Variants in EML1 observed in about 807,000 individuals in gnomAD.
EML1 encodes the protein echinoderm microtubule-associated protein-like 1.
EML1 carries 27 observed loss-of-function variants against 110.4 expected under a neutral mutation model. The observed-to-expected ratio is 0.24, with a 90% confidence interval of 0.18 to 0.34. EML1 has a LOEUF of 0.34. Ranked by LOEUF, EML1 falls within the 10% of genes least tolerant of loss-of-function variation. The pLI, the probability that EML1 is intolerant of heterozygous loss-of-function variation, is 1.00. For missense variants in EML1, 741 were observed against 1,030.9 expected, an observed-to-expected ratio of 0.72 and a Z score of 3.85; for synonymous variants, 344 against 385.8, an observed-to-expected ratio of 0.89 and a Z score of 1.27.
rs57818494 is a variant in EML1, at chr14:99,796,186, CAGAGAGAGAGAGAG to C, written c.67+2675_67+2688del. Among the ~76,000 whole-genome samples, 810 of 119,290 alleles carry C rather than the reference CAGAGAGAGAGAGAG, an allele frequency of 6.8e-3. 6 individuals carry two copies. The highest frequency in any genetic ancestry group is 0.022 in the African/African-American group (704 of 32,310). The allele number at this position is 119,290 out of a possible 152,430, so 78.3% of individuals were successfully genotyped here. On this transcript the variant is annotated intron_variant, in intron 1 of 21. Coordinates refer to ENST00000262233, the MANE Select transcript of EML1 (RefSeq NM_004434.3). ...TGGGTGACAAAGTGAGACCCTGTCT[CAGAGAGAGAGAGAG>C]AGAGAGAGAGAGAGAGAGAGAGAGA...
rs139661025 is a variant in EML1, at chr14:99,934,617, C to T, written c.1910-1412C>T. ...GAGCCTCCCGACTGCTATGAAAATG[C>T]GCCGCTTGCTGTGTTTTGTGGATGG... On this transcript the variant is annotated intron_variant, in intron 17 of 21. Transcript: ENST00000262233. Among the ~76,000 whole-genome samples, 3 of 152,366 alleles carry T rather than the reference C, an allele frequency of 2.0e-5. No individual in the cohort carries two copies. The East Asian group carries it at 5.8e-4, about 29-fold the overall frequency.
At chr14:99,797,994 TC>T (rs2057806430) in intron 1 of EML1, among the ~76,000 whole-genome samples, 1 of 152,158 alleles carries the variant, frequency 6.6e-6, no homozygotes, top group Non-Finnish European at 1.5e-5. Flanking sequence ...GAAAGGCTGT[TC>T]AACCTGTGCA....
intron 1 of EML1, among the ~76,000 whole-genome samples, chr14:99,743,011 G>T (rs1201141438): frequency 6.6e-6 from 1 of 152,140 alleles, no homozygotes; most frequent in Non-Finnish European, 1.5e-5. Flanking sequence ...CGAGAGGCTG[G>T]GCACCGGGTG....
rs551351442 is a variant in EML1, at chr14:99,936,768, T to C, written c.2095+434T>C. ...GGGTGGACGGCAGCCCTGGGACCCC[T>C]CCTCCTCCCCTCCCAACCTGACCCT... On this transcript the variant is annotated intron_variant, in intron 19 of 21. Coordinates refer to ENST00000262233, the MANE Select transcript of EML1 (RefSeq NM_004434.3). This position sits in a 1 kb window ranked among gnomAD's most constrained non-coding sequence, Gnocchi z 5.5. Among the ~76,000 whole-genome samples the C allele has an allele frequency of 1.3e-5, 2 of 152,140 alleles. No homozygotes were observed. Among genetic ancestry groups the C allele is most frequent in the African/African-American group, 4.8e-5 (2 of 41,528 alleles).
intron 1 of EML1, among the ~76,000 whole-genome samples, chr14:99,777,011 T>A (rs1211820205): frequency 6.6e-6 from 1 of 152,178 alleles, no homozygotes; most frequent in Non-Finnish European, 1.5e-5. Context: ...AGCTTTAACC[T>A]CCTTGAAGTT....
At chr14:99,885,037 G>A (rs948316229) in intron 4 of EML1, among the ~76,000 whole-genome samples, 4 of 152,228 alleles carry the variant, frequency 2.6e-5, no homozygotes, top group Non-Finnish European at 2.9e-5. Flanking sequence ...TCACCATGCT[G>A]CACACACCGC....
At chr14:99,917,121 C>T (rs1364201451) in intron 15 of EML1, among the ~76,000 whole-genome samples, 1 of 152,176 alleles carries the variant, frequency 6.6e-6, no homozygotes, top group African/African-American at 2.4e-5. Flanking sequence ...AGCAATCAAG[C>T]ACACTATTCA....
chr14:99,914,469 T>C (rs926789174), intron 14 of EML1, 97 bp from the exon 15 acceptor site: 2 of 1,533,598 alleles, frequency 1.3e-6, no homozygotes, highest in African/African-American at 1.4e-5. Flanking sequence ...AGAGCAGTTA[T>C]GAAGTCAGCA....
intron 12 of EML1, 129 bp downstream of exon 12, chr14:99,910,470 C>G: frequency 1.5e-6 from 1 of 683,672 alleles, no homozygotes; most frequent in Non-Finnish European, 2.4e-6. Flanking sequence ...TACAGAGACA[C>G]ACACATACAT....
chr14:99,805,357 C>G (rs994723317), intron 1 of EML1, among the ~76,000 whole-genome samples: 1 of 152,240 alleles, frequency 6.6e-6, no homozygotes, highest in Non-Finnish European at 1.5e-5. Flanking sequence ...GCAGCCCGCA[C>G]CAACTGCTGT....
chr14:99,846,303 G>C (rs1181551672), intron 1 of EML1, among the ~76,000 whole-genome samples: 1 of 74,078 alleles, frequency 1.3e-5, no homozygotes, highest in Admixed American at 1.3e-4. Flanking sequence ...TTTTTTTTGA[G>C]ACAGAGTCTT....
chr14:99,910,749 A>G (rs763636149), intron 12 of EML1, among the ~76,000 whole-genome samples: 2 of 152,220 alleles, frequency 1.3e-5, no homozygotes, highest in Non-Finnish European at 2.9e-5. Context: ...CACTGTGAAC[A>G]TACAACTGAG....
intron 1 of EML1, among the ~76,000 whole-genome samples, chr14:99,800,742 G>A (rs1344614444): frequency 3.3e-5 from 5 of 152,186 alleles, no homozygotes; most frequent in East Asian, 1.9e-4. Flanking sequence ...TACTGTTGGC[G>A]GGGAAAACCA....
At chr14:99,743,844 C>G (rs2057073412) in intron 1 of EML1, among the ~76,000 whole-genome samples, 1 of 152,186 alleles carries the variant, frequency 6.6e-6, no homozygotes, top group Admixed American at 6.5e-5. Flanking sequence ...TCTAAGGGAG[C>G]ATTCTTGAGA....
chr14:99,903,434 C>T (rs1389704945), intron 9 of EML1, among the ~76,000 whole-genome samples: 2 of 152,064 alleles, frequency 1.3e-5, no homozygotes, highest in African/African-American at 4.8e-5. Flanking sequence ...TTAAATAGGA[C>T]CAAAACAAGA....
intron 1 of EML1, among the ~76,000 whole-genome samples, chr14:99,750,256 G>C (rs951773893): frequency 3.9e-5 from 6 of 152,230 alleles, no homozygotes; most frequent in African/African-American, 1.4e-4. Context: ...AGGCTCCCCT[G>C]GTGGCCCCCG....
chr14:99,759,805 G>A lies in EML1; in HGVS notation c.28+21945G>A, dbSNP rs921320549. Among the ~76,000 whole-genome samples, 8 of 152,274 alleles carry A rather than the reference G, an allele frequency of 5.3e-5. No homozygotes were observed. The East Asian group carries it at 5.8e-4, about 11-fold the overall frequency. The stretch of plus-strand genomic sequence containing the variant: ...GAAGCACCTGGAAAACGCTCTTTGC[G>A]TTCATGCATCAAGAGCTGTGAGACT... On this transcript the variant is annotated intron_variant, in intron 1 of 10. Coordinates refer to the EML1 transcript ENST00000554479.
At chr14:99,824,479 CAAT>C (rs1176697094) in intron 1 of EML1, among the ~76,000 whole-genome samples, 1 of 151,120 alleles carries the variant, frequency 6.6e-6, no homozygotes, top group Non-Finnish European at 1.5e-5. Flanking sequence ...ATCAAAATCA[CAAT>C]AATACAGCAT....
intron 1 of EML1, among the ~76,000 whole-genome samples, chr14:99,808,914 C>T (rs2058026577): frequency 6.6e-6 from 1 of 152,208 alleles, no homozygotes; most frequent in Non-Finnish European, 1.5e-5. Context: ...TAAAATACTA[C>T]TTTATCATAT....
Sources: gnomAD v4.1 joint callset for allele counts (sites outside exome capture counted in the v4.1 genomes callset) on GRCh38, gnomAD v4.1.1 for gene constraint, Gnocchi (gnomAD v3.1) non-coding constraint, MANE v1.5 for transcripts, NCBI Gene and HGNC (gene_info 2026-07-23, HGNC 2026-07-21) for gene names.